Variants in EPHA5 observed in about 807,000 individuals in gnomAD.
The protein encoded by EPHA5 is EPH receptor A5, also known as ephrin type-A receptor 5.
A neutral mutation model predicts 105.0 loss-of-function variants in EPHA5; 60 were observed. The observed-to-expected ratio is 0.57, with a 90% confidence interval of 0.46 to 0.71. The LOEUF (loss-of-function observed/expected upper bound fraction) is 0.71, where lower values mean the gene tolerates loss of function less well. EPHA5 is among the 30% of genes least tolerant of loss of function. The probability of loss-of-function intolerance (pLI) is 0.00; values close to 1 mark genes in which losing one functional copy is unlikely to be tolerated. For missense variants in EPHA5, 1,218 were observed against 1,274.7 expected, an observed-to-expected ratio of 0.96 and a Z score of 0.68; for synonymous variants, 513 against 449.1, an observed-to-expected ratio of 1.14 and a Z score of -1.80.
chr4:65,536,189 G>T (rs995539572), intron 3 of EPHA5, among the ~76,000 whole-genome samples: 1 of 151,674 alleles, frequency 6.6e-6, no homozygotes, highest in Admixed American at 6.6e-5. Context: ...TGGATCTATC[G>T]CTGCCCCACA....
chr4:65,574,687 TAC>T (rs1233217585), intron 3 of EPHA5, among the ~76,000 whole-genome samples: 20 of 47,958 alleles, frequency 4.2e-4, no homozygotes, highest in Admixed American at 6.0e-4. Context: ...TACATATATA[TAC>T]ATATATATAC....
chr4:65,649,550 A>T (rs1390924762), intron 1 of EPHA5, among the ~76,000 whole-genome samples: 1 of 152,224 alleles, frequency 6.6e-6, no homozygotes, highest in East Asian at 1.9e-4. Context: ...TCATTAAAAT[A>T]TATTCAAAAA....
intron 8 of EPHA5, among the ~76,000 whole-genome samples, chr4:65,385,686 T>C (rs1222044911): frequency 6.6e-6 from 1 of 151,914 alleles, no homozygotes; most frequent in African/African-American, 2.4e-5. Context: ...TAACAGTGAT[T>C]AATTATGGTT....
At chr4:65,446,370 C>T (rs1726531956) in intron 5 of EPHA5, among the ~76,000 whole-genome samples, 1 of 151,900 alleles carries the variant, frequency 6.6e-6, no homozygotes, top group South Asian at 2.1e-4. Context: ...TATGCTTTTT[C>T]CTGTATATTT....
At chr4:65,396,931 G>A (rs1310691554) in intron 8 of EPHA5, among the ~76,000 whole-genome samples, 1 of 152,136 alleles carries the variant, frequency 6.6e-6, no homozygotes, top group African/African-American at 2.4e-5. Flanking sequence ...CCCAAGAGAG[G>A]GAAAGGAGAC....
intron 7 of EPHA5, among the ~76,000 whole-genome samples, chr4:65,409,929 A>G (rs1164434473): frequency 2.0e-5 from 3 of 152,214 alleles, no homozygotes; most frequent in Non-Finnish European, 4.4e-5. Flanking sequence ...ACAAGGATGT[A>G]AAGAAACCAG....
chr4:65,606,545 T>C (rs1744248313), intron 2 of EPHA5, among the ~76,000 whole-genome samples: 1 of 152,200 alleles, frequency 6.6e-6, no homozygotes, highest in Non-Finnish European at 1.5e-5. Context: ...TAAGTATTTA[T>C]TAAAAGAGAT....
intron 3 of EPHA5, among the ~76,000 whole-genome samples, chr4:65,519,123 A>C (rs1222281053): frequency 6.6e-6 from 1 of 152,176 alleles, no homozygotes; most frequent in East Asian, 1.9e-4. Flanking sequence ...CACCATGATC[A>C]AGTGGGCTTC....
intron 1 of EPHA5, among the ~76,000 whole-genome samples, chr4:65,657,323 A>C (rs767814362): frequency 3.9e-5 from 6 of 152,124 alleles, no homozygotes; most frequent in Non-Finnish European, 7.4e-5. Context: ...AGGCAAAAAA[A>C]ATTTATGTTA....
chr4:65,437,488 A>G (rs1725587652), intron 5 of EPHA5, among the ~76,000 whole-genome samples: 1 of 152,088 alleles, frequency 6.6e-6, no homozygotes, highest in African/African-American at 2.4e-5. Flanking sequence ...TTCACTTTTT[A>G]TTAGATAATA....
At chr4:65,476,597 AGGGATAAAGG>A (rs964745394) in intron 5 of EPHA5, among the ~76,000 whole-genome samples, 1 of 152,140 alleles carries the variant, frequency 6.6e-6, no homozygotes, top group African/African-American at 2.4e-5. Context: ...GAGTGAGAGG[AGGGATAAAGG>A]GGTGAAAAAA....
chr4:65,471,551 A>G (rs1729285193), intron 5 of EPHA5, among the ~76,000 whole-genome samples: 1 of 152,214 alleles, frequency 6.6e-6, no homozygotes, highest in African/African-American at 2.4e-5. Context: ...TGATTCATAA[A>G]CAAAAGAGGC....
intron 3 of EPHA5, among the ~76,000 whole-genome samples, chr4:65,589,999 CTT>C (rs1047494916): frequency 2.6e-5 from 4 of 152,238 alleles, no homozygotes; most frequent in African/African-American, 9.6e-5. Context: ...AGGAAAAGCT[CTT>C]ATGCATATGG....
intron 8 of EPHA5, among the ~76,000 whole-genome samples, chr4:65,384,126 G>T (rs148011644): frequency 6.6e-6 from 1 of 151,938 alleles, no homozygotes; most frequent in African/African-American, 2.4e-5. Flanking sequence ...AGGCCAAATA[G>T]TCTGGGCTAA....
intron 8 of EPHA5, among the ~76,000 whole-genome samples, chr4:65,373,110 T>G (rs1338320895): frequency 6.6e-6 from 1 of 151,924 alleles, no homozygotes; most frequent in Non-Finnish European, 1.5e-5. Flanking sequence ...CCTATTAATT[T>G]TTAACTGTTT....
chr4:65,498,974 A>G (rs146609223), intron 3 of EPHA5, among the ~76,000 whole-genome samples: 1 of 146,612 alleles, frequency 6.8e-6, no homozygotes, highest in Non-Finnish European at 1.5e-5. Flanking sequence ...TCCAACATCA[A>G]CAGGATTTTC....
intron 5 of EPHA5, among the ~76,000 whole-genome samples, chr4:65,427,345 G>A (rs1724543894): frequency 1.3e-5 from 2 of 151,554 alleles, no homozygotes; most frequent in Admixed American, 6.6e-5. Context: ...CACTGCACCC[G>A]GCTAATTTTT....
chr4:65,630,328 A>G (rs1746519461), intron 2 of EPHA5, among the ~76,000 whole-genome samples: 2 of 152,008 alleles, frequency 1.3e-5, no homozygotes, highest in Non-Finnish European at 2.9e-5. Context: ...CTGGTATATG[A>G]CCTTGGAGGG....
In EPHA5 at chr4:65,473,971, T is replaced by C. The variant is rs1181030333; in HGVS notation, c.1402+16406A>G. Among the ~76,000 whole-genome samples, 4 of 151,236 alleles carry C rather than the reference T, an allele frequency of 2.6e-5. No homozygotes were observed. The East Asian group carries it at 7.8e-4, about 29-fold the overall frequency. On this transcript the variant is annotated intron_variant, in intron 5 of 16. Coordinates refer to ENST00000613740, the MANE Select transcript of EPHA5 (RefSeq NM_001281766.3). ...AGTACATGTATAAGAAATGAATTCT[T>C]TTTACACTTGGACACAGGAAGGGGG...
Sources: gnomAD v4.1 joint callset for allele counts (sites outside exome capture counted in the v4.1 genomes callset) on GRCh38, gnomAD v4.1.1 for gene constraint, MANE v1.5 for transcripts, NCBI Gene and HGNC (gene_info 2026-07-23, HGNC 2026-07-21) for gene names.